The following APC2 variants were observed in gnomAD, a reference collection of about 807,000 sequenced individuals.
The protein encoded by APC2 is adenomatous polyposis coli protein 2.
A neutral mutation model predicts 72.5 loss-of-function variants in APC2; 41 were observed. That is an observed-to-expected ratio of 0.57 (90% CI 0.44 to 0.73). The LOEUF is 0.73. APC2 is among the 30% of genes least tolerant of loss of function. The probability of loss-of-function intolerance (pLI) is 0.00; values close to 1 mark genes in which losing one functional copy is unlikely to be tolerated. For synonymous variants in APC2, 1,898 were observed against 1,612.0 expected (o/e 1.18, Z -4.25); for missense variants, 3,729 against 3,403.4 (o/e 1.10, Z -2.38).
At chr19:1,461,809 G>A (rs541020442) in intron 13 of APC2, 154 bp from the exon 14 acceptor site, 5 of 641,122 alleles carry the variant, frequency 7.8e-6, no homozygotes, top group East Asian at 2.8e-5. Context: ...TCGAGATCTC[G>A]CCACTGCACT....
chr19:1,446,933 A>G (rs1289213760), upstream of APC2, among the ~76,000 whole-genome samples: 2 of 152,134 alleles, frequency 1.3e-5, no homozygotes, highest in African/African-American at 4.8e-5. This position sits in a 1 kb window ranked among gnomAD's most constrained non-coding sequence, Gnocchi z 6.1. Context: ...TGGGGGGTGC[A>G]GCGGGGAGCC....
At position 1,455,174 on chromosome 19, in the gene APC2, AAGG is replaced by A; in HGVS notation, c.445_447del (p.Glu149del). On this transcript the variant is annotated inframe_deletion, in exon 5 of 15. Transcript: ENST00000590469. ...GTGTTTCCTGCTGAATGAGATTGAG[AAGG>A]AGGAGAAGGAGAAGCTCTGGTACTA... 1.9e-6 allele frequency: 3 copies of A among 1,576,526 alleles called. No homozygotes were observed. Among genetic ancestry groups the A allele is most frequent in the South Asian group, 1.2e-5 (1 of 84,670 alleles).
chr19:1,457,750 C>T, intron 9 of APC2: 1 of 599,396 alleles, frequency 1.7e-6, no homozygotes, highest in South Asian at 1.9e-5. Context: ...TGTGGTGCTC[C>T]AGGAACTACC....
At position 1,469,642 on chromosome 19, in the gene APC2, C is replaced by T; in HGVS notation, c.6341C>T (p.Ala2114Val). The T allele has an allele frequency of 8.1e-7, 1 of 1,233,094 alleles. No individual in the cohort carries two copies. The highest frequency in any genetic ancestry group is 1.0e-6 in the Non-Finnish European group (1 of 988,774). 76.4% of individuals were successfully genotyped at this position (1,233,094 alleles called of 1,614,324 possible). A position where few individuals can be genotyped will look rare whatever the true frequency, so the allele number is the denominator to read the frequency against. Reference sequence around the variant, plus strand: ...AGCGTGGCCCGCAGGCCCGACGGCGCCGTCCCCGCGGCCCCTGCCTCAGCC... The same window carrying T: ...AGCGTGGCCCGCAGGCCCGACGGCGTCGTCCCCGCGGCCCCTGCCTCAGCC... Reference protein sequence around the residue: ...HISVARRPDGAVPAAPASADA... With the variant: ...HISVARRPDGVVPAAPASADA... The change falls in exon 15 of 15, where the codon GCC (alanine) becomes GTC (valine). Residue 2114 changes from alanine (A) to valine (V), a missense_variant. Ala to Val is a moderately conservative substitution (Grantham distance 64). Transcript: ENST00000590469.
In APC2 at chr19:1,468,566, C is replaced by T. The variant is rs746816371; in HGVS notation, c.5265C>T (p.Gly1755=). The T allele has an allele frequency of 6.3e-7, 1 of 1,597,886 alleles. No individual in the cohort carries two copies. The highest frequency in any genetic ancestry group is 1.1e-5 in the South Asian group (1 of 90,126). ...GTGCCCGGCGGCCAGAGAAAAGGGG[C>T]GCAGCCTCAGTCAAGACCAGCGGGA... The part of the protein sequence containing the change: ...MGSARRPEKR[G]AASVKTSGSP... The change falls in exon 15 of 15, where the codon GGC becomes GGT. Residue 1755 remains glycine, a synonymous_variant. Coordinates refer to ENST00000590469, the MANE Select transcript of APC2 (RefSeq NM_005883.3).
rs1477498980 is a variant in APC2, at chr19:1,469,596, T to C, written c.6295T>C (p.Tyr2099His). Residue 2099 changes from tyrosine to histidine, a missense_variant, in exon 15 of 15, where the codon TAC (tyrosine) becomes CAC (histidine). By Grantham distance (83) the Tyr-to-His change is moderately conservative. Transcript: ENST00000590469. ...CGCCCGGCCGGAGACTGTCAAGCGC[T>C]ACGCGTCGCTGCCGCACATCAGCGT... ...PAARPETVKR[Y>H]ASLPHISVAR... 4.0e-6 allele frequency: 5 copies of C among 1,257,988 alleles called. No individual in the cohort carries two copies. Among genetic ancestry groups the C allele is most frequent in the Non-Finnish European group, 5.0e-6 (5 of 990,990 alleles). The allele number at this position is 1,257,988 out of a possible 1,614,324, so 77.9% of individuals were successfully genotyped here. A position where few individuals can be genotyped will look rare whatever the true frequency, so the allele number is the denominator to read the frequency against.
rs973799415 is a variant in APC2 at position 1,470,915 on chromosome 19, C to T, written c.*702C>T. ...GGAGGGGCAGAGGCCAACGGATCCC[C>T]CTGCCTGTCGCACCCCTTGGCGGGA... is the stretch of plus-strand genomic sequence containing the variant. On this transcript the variant is annotated 3_prime_UTR_variant, in exon 15 of 15. Transcript: ENST00000590469. 9 of 152,338 alleles carry T rather than the reference C, an allele frequency of 5.9e-5. No homozygotes were observed. Among genetic ancestry groups the T allele is most frequent in the African/African-American group, 2.2e-4 (9 of 41,466 alleles). 9.4% of individuals were successfully genotyped at this position (152,338 alleles called of 1,614,324 possible).
At chr19:1,447,145 G>A (rs1315442267), upstream of APC2, among the ~76,000 whole-genome samples, 2 of 152,180 alleles carry the variant, frequency 1.3e-5, no homozygotes, top group East Asian at 3.9e-4. Context: ...CCCCACCTCC[G>A]GTGGCCTCCT....
At position 1,452,772 on chromosome 19, in the gene APC2, C is replaced by T; in HGVS notation, c.-18-212C>T. The T allele has an allele frequency of 1.7e-6, 1 of 579,132 alleles. No homozygotes were observed. Among genetic ancestry groups the T allele is most frequent in the South Asian group, 2.3e-5 (1 of 43,508 alleles). The allele number at this position is 579,132 out of a possible 1,614,324, so 35.9% of individuals were successfully genotyped here. On this transcript the variant is annotated intron_variant, in intron 1 of 14. Coordinates refer to ENST00000590469, the MANE Select transcript of APC2 (RefSeq NM_005883.3). The surrounding 1 kb of genome is among the most constrained non-coding windows in gnomAD (Gnocchi z 5.1). ...GCCCCTCTGTCTCCCCTTGGGGCCA[C>T]CTCTCACTCCACCTGCCCCTCTGCG...
At chr19:1,456,460 C>A in intron 8 of APC2, 56 bp downstream of exon 8, 2 of 1,487,888 alleles carry the variant, frequency 1.3e-6, no homozygotes, top group South Asian at 1.3e-5. Flanking sequence ...GAAGGGGGAT[C>A]AGGTCTGCAT....
At position 1,467,413 on chromosome 19, in the gene APC2, T is replaced by G. The variant is rs2084037878; in HGVS notation, c.4112T>G (p.Val1371Gly). ...ALVPGRRALP[V>G]PVYMLVPAPA... ...GTGCCAGGTCGCCGCGCACTCCCCG[T>G]GCCCGTCTACATGTTGGTGCCCGCC... is the stretch of plus-strand genomic sequence containing the variant. Residue 1371 changes from valine to glycine, a missense_variant, in exon 15 of 15, where the codon GTG becomes GGG. Transcript: ENST00000590469. 6.7e-7 allele frequency: 1 copy of G among 1,491,078 alleles called. No individual in the cohort carries two copies. The highest frequency in any genetic ancestry group is 8.9e-7 in the Non-Finnish European group (1 of 1,126,292). 92.4% of individuals were successfully genotyped at this position (1,491,078 alleles called of 1,614,324 possible).
intron 12 of APC2, 31 bp from the exon 13 acceptor site, chr19:1,461,006 T>A: frequency 6.2e-7 from 1 of 1,609,800 alleles, no homozygotes; most frequent in Non-Finnish European, 8.5e-7. Context: ...TGGACCCTAG[T>A]CCCACCACAC....
rs531208693 is a variant in APC2 at position 1,466,647 on chromosome 19, G to A, written c.3346G>A (p.Ala1116Thr). 1.3e-5 allele frequency: 20 copies of A among 1,494,744 alleles called. 1 individual carries two copies. In the South Asian group the frequency reaches 2.3e-4, roughly 17 times the overall value. The allele number at this position is 1,494,744 out of a possible 1,614,324, so 92.6% of individuals were successfully genotyped here. Reference protein sequence around the residue: ...SEAELDSTWRAPGATSLPVAI... With the variant: ...SEAELDSTWRTPGATSLPVAI... ...GGCTGAGCTGGACAGCACGTGGCGG[G>A]CGCCCGGGGCCACCTCGCTGCCCGT... is the stretch of plus-strand genomic sequence containing the variant. Residue 1116 changes from alanine (A) to threonine (T), a missense_variant, in exon 15 of 15, where the codon GCG (alanine) becomes ACG (threonine). Physicochemically the swap from Ala to Thr is moderately conservative, Grantham distance 58. Transcript: ENST00000590469.
In APC2 at chr19:1,470,025, G is replaced by A; in HGVS notation, c.6724G>A (p.Ala2242Thr). The A allele has an allele frequency of 6.4e-7, 1 of 1,557,862 alleles. No homozygotes were observed. Among genetic ancestry groups the A allele is most frequent in the Non-Finnish European group, 8.6e-7 (1 of 1,157,368 alleles). ...GPSLAKAPIS[A>T]PFVHEGLGVA... ...CAGCCTCGCCAAGGCTCCCATCTCC[G>A]CACCCTTCGTGCACGAGGGCCTGGG... is the stretch of plus-strand genomic sequence containing the variant. Residue 2242 changes from alanine to threonine, a missense_variant, in exon 15 of 15, where the codon GCA becomes ACA. Transcript: ENST00000590469.
chr19:1,468,896 C>A lies in APC2; in HGVS notation c.5595C>A (p.Pro1865=). 6.6e-7 allele frequency: 1 copy of A among 1,521,068 alleles called. No homozygotes were observed. Among genetic ancestry groups the A allele is most frequent in the Non-Finnish European group, 8.8e-7 (1 of 1,141,384 alleles). The allele number at this position is 1,521,068 out of a possible 1,614,324, so 94.2% of individuals were successfully genotyped here. ...LSQPPRSATP[P]ARLAKTPSSS... ...AGCCCCCCAGAAGCGCCACACCGCC[C>A]GCCCGCCTCGCCAAGACCCCCTCCT... Residue 1865 remains proline (P), a synonymous_variant, in exon 15 of 15, where the codon CCC becomes CCA. Transcript: ENST00000590469.
rs2083825800 is a variant in APC2 at position 1,456,339 on chromosome 19, G to A, written c.751G>A (p.Glu251Lys). 7 of 1,609,122 alleles carry A rather than the reference G, an allele frequency of 4.4e-6. No homozygotes were observed. Among genetic ancestry groups the A allele is most frequent in the Admixed American group, 1.7e-5 (1 of 59,778 alleles). ...LLAVKSVPVD[E>K]DPETEVPTHP... Reference sequence around the variant, plus strand: ...GGCGGTGAAGTCGGTGCCGGTGGACGAGGACCCCGAGACAGAGGTCCCCAC... The same window carrying A: ...GGCGGTGAAGTCGGTGCCGGTGGACAAGGACCCCGAGACAGAGGTCCCCAC... Residue 251 changes from glutamate (E) to lysine (K), a missense_variant, in exon 8 of 15, where the codon GAG becomes AAG. Physicochemically the swap from Glu to Lys is moderately conservative, Grantham distance 56 (BLOSUM62 1). Coordinates refer to ENST00000590469, the MANE Select transcript of APC2 (RefSeq NM_005883.3).
At chr19:1,449,985 G>A (rs2083723325), upstream of APC2, among the ~76,000 whole-genome samples, 1 of 152,060 alleles carries the variant, frequency 6.6e-6, no homozygotes, top group Admixed American at 6.5e-5. Flanking sequence ...GAGCCCGCGC[G>A]GAGGCCCGAC....
In APC2 at chr19:1,467,641, G is replaced by A. The variant is rs2084042792; in HGVS notation, c.4340G>A (p.Gly1447Asp). 2.7e-6 allele frequency: 4 copies of A among 1,481,998 alleles called. No individual in the cohort carries two copies. Among genetic ancestry groups the A allele is most frequent in the Non-Finnish European group, 3.6e-6 (4 of 1,124,040 alleles). 91.8% of individuals were successfully genotyped at this position (1,481,998 alleles called of 1,614,324 possible). The part of the protein sequence containing the change: ...QAMGHRHKAG[G>D]AGRSAEQSRG... ...ATGGGGCACCGGCACAAGGCGGGAG[G>A]CGCCGGCCGCAGCGCGGAGCAGTCT... The change falls in exon 15 of 15, where the codon GGC becomes GAC. Residue 1447 changes from glycine (G) to aspartate (D), a missense_variant. Physicochemically the swap from Gly to Asp is moderately conservative, Grantham distance 94. Transcript: ENST00000590469.
intron 8 of APC2, 116 bp downstream of exon 8, chr19:1,456,520 G>A (rs1038540867): frequency 2.6e-5 from 29 of 1,120,330 alleles, no homozygotes; most frequent in Non-Finnish European, 3.4e-5. Flanking sequence ...ACCCCCTCGG[G>A]TGTAGGAAGG....
Sources: gnomAD v4.1 joint callset for allele counts (sites outside exome capture counted in the v4.1 genomes callset) on GRCh38, gnomAD v4.1.1 for gene constraint, Gnocchi (gnomAD v3.1) non-coding constraint, MANE v1.5 for transcripts, NCBI Gene and HGNC (gene_info 2026-07-23, HGNC 2026-07-21) for gene names.